MTDH: variants seen among roughly 807,000 people sequenced by gnomAD.
MTDH encodes the protein protein LYRIC.
MTDH carries 34 observed loss-of-function variants against 72.7 expected under a neutral mutation model. The observed-to-expected ratio is 0.47, with a 90% CI of 0.36 to 0.62. The LOEUF (loss-of-function observed/expected upper bound fraction) is 0.62. Ranked by LOEUF, MTDH falls within the 20% of genes least tolerant of loss-of-function variation. MTDH has a pLI of 0.00. For synonymous variants in MTDH, 266 were observed against 268.9 expected, an observed-to-expected ratio of 0.99 and a Z score of 0.10; for missense variants, 677 against 699.4, an observed-to-expected ratio of 0.97 and a Z score of 0.36.
intron 2 of MTDH, among the ~76,000 whole-genome samples, chr8:97,670,997 C>G (rs1342031187): frequency 6.7e-5 from 8 of 119,250 alleles, no homozygotes; most frequent in Admixed American, 1.1e-4. Flanking sequence ...CTCGCTCTGT[C>G]GCCCAGGCCG....
At chr8:97,697,867 C>T (rs1041593984) in intron 6 of MTDH, among the ~76,000 whole-genome samples, 1 of 152,168 alleles carries the variant, frequency 6.6e-6, no homozygotes, top group African/African-American at 2.4e-5. Context: ...GTACAACACA[C>T]ATGCTATTCC....
chr8:97,680,837 C>T (rs1813039948), intron 2 of MTDH, among the ~76,000 whole-genome samples: 1 of 152,142 alleles, frequency 6.6e-6, no homozygotes. Flanking sequence ...TCTATCAGTG[C>T]TGATCATGAA....
intron 3 of MTDH, among the ~76,000 whole-genome samples, chr8:97,686,955 C>T (rs1261980272): frequency 7.1e-6 from 1 of 141,294 alleles, no homozygotes; most frequent in Admixed American, 7.1e-5. Context: ...AAGGGAACTG[C>T]CCTGAAATTT....
chr8:97,726,540 C>G lies in MTDH; in HGVS notation c.*1870C>G, dbSNP rs1267770724. The G allele has an allele frequency of 6.6e-6, 1 of 152,244 alleles. No individual in the cohort carries two copies. Among genetic ancestry groups the G allele is most frequent in the Admixed American group, 6.5e-5 (1 of 15,274 alleles). The allele number at this position is 152,244 out of a possible 1,614,324, so 9.4% of individuals were successfully genotyped here. ...ACAATATAATTGAACTCTCTCAACT[C>G]TACCTCACCATTTCTTTATCTCAAA... On this transcript the variant is annotated 3_prime_UTR_variant, in exon 12 of 12. Coordinates refer to ENST00000336273, the MANE Select transcript of MTDH (RefSeq NM_178812.4).
chr8:97,659,551 T>G (rs1812101246), intron 1 of MTDH, among the ~76,000 whole-genome samples: 1 of 152,236 alleles, frequency 6.6e-6, no homozygotes, highest in South Asian at 2.1e-4. Context: ...GGTCTCCTTT[T>G]CCAACTTTGT....
In MTDH at chr8:97,724,735, C is replaced by G; in HGVS notation, c.*65C>G. 1.6e-6 allele frequency: 2 copies of G among 1,277,614 alleles called. No individual in the cohort carries two copies. The highest frequency in any genetic ancestry group is 2.2e-6 in the Non-Finnish European group (2 of 921,486). The allele number at this position is 1,277,614 out of a possible 1,614,324, so 79.1% of individuals were successfully genotyped here. On this transcript the variant is annotated 3_prime_UTR_variant, in exon 12 of 12. Coordinates refer to ENST00000336273, the MANE Select transcript of MTDH (RefSeq NM_178812.4). ...TGTCTTGAAGATTATGCTGTTTATGCAATAATTTGTGAACATGTACAGAGT... is the reference window on the plus strand; with the variant it reads ...TGTCTTGAAGATTATGCTGTTTATGGAATAATTTGTGAACATGTACAGAGT...
intron 2 of MTDH, among the ~76,000 whole-genome samples, chr8:97,661,995 A>G (rs751699501): frequency 5.1e-4 from 77 of 152,092 alleles, no homozygotes; most frequent in South Asian, 1.0e-3. Flanking sequence ...AAGACAATCT[A>G]TCATACCACA....
chr8:97,682,338 G>A (rs1321206712), intron 2 of MTDH, among the ~76,000 whole-genome samples: 2 of 104,118 alleles, frequency 1.9e-5, no homozygotes, highest in Non-Finnish European at 3.6e-5. Flanking sequence ...TTGCCCTGTC[G>A]CCCAGGCTGG....
chr8:97,685,840 T>C (rs1813340276), intron 2 of MTDH, among the ~76,000 whole-genome samples: 1 of 152,152 alleles, frequency 6.6e-6, no homozygotes, highest in Non-Finnish European at 1.5e-5. Context: ...ATACAAAGTA[T>C]AAAAATACTA....
chr8:97,691,843 C>T (rs756631198), intron 6 of MTDH, among the ~76,000 whole-genome samples: 21 of 151,910 alleles, frequency 1.4e-4, no homozygotes, highest in East Asian at 9.7e-4. Context: ...TTCTCCTGCC[C>T]GCAACTGTAT....
At chr8:97,669,143 A>G (rs74460326) in intron 2 of MTDH, among the ~76,000 whole-genome samples, 2,681 of 152,230 alleles carry the variant, frequency 0.018, 32 homozygotes, top group Middle Eastern at 0.048. Flanking sequence ...TTTTACAGCT[A>G]TCACCACAAT....
chr8:97,648,749 C>G (rs1811657231), intron 1 of MTDH, among the ~76,000 whole-genome samples: 1 of 152,298 alleles, frequency 6.6e-6, no homozygotes, highest in Middle Eastern at 3.4e-3. Flanking sequence ...TATCTCTAAG[C>G]TCAATGAATA....
At chr8:97,660,369 G>A (rs1360880533) in intron 1 of MTDH, among the ~76,000 whole-genome samples, 1 of 152,032 alleles carries the variant, frequency 6.6e-6, no homozygotes, top group Non-Finnish European at 1.5e-5. Context: ...AGAATTAGAG[G>A]TTCCATTAGA....
At chr8:97,668,417 G>C (rs1812475028) in intron 2 of MTDH, among the ~76,000 whole-genome samples, 1 of 152,088 alleles carries the variant, frequency 6.6e-6, no homozygotes, top group African/African-American at 2.4e-5. Flanking sequence ...AGGGGCACAT[G>C]TTCCCAGGAT....
chr8:97,670,610 G>A (rs939248530), intron 2 of MTDH, among the ~76,000 whole-genome samples: 10 of 152,154 alleles, frequency 6.6e-5, no homozygotes, highest in African/African-American at 1.7e-4. Context: ...GTGACAGAGC[G>A]AGACTCCGTC....
intron 2 of MTDH, among the ~76,000 whole-genome samples, chr8:97,668,144 G>A (rs937018230): frequency 4.6e-5 from 7 of 151,964 alleles, no homozygotes; most frequent in African/African-American, 7.3e-5. Context: ...AAAACTAGCC[G>A]AGCGAGGTGG....
At chr8:97,647,893 A>G (rs968953435) in intron 1 of MTDH, among the ~76,000 whole-genome samples, 7 of 151,500 alleles carry the variant, frequency 4.6e-5, no homozygotes, top group South Asian at 2.1e-4. Context: ...GTGATGAGCT[A>G]TGATCAGGTG....
At chr8:97,660,330 C>A (rs1023785520) in intron 1 of MTDH, among the ~76,000 whole-genome samples, 5 of 152,150 alleles carry the variant, frequency 3.3e-5, no homozygotes, top group Non-Finnish European at 7.3e-5. Flanking sequence ...AAGCTTCTTA[C>A]TCCCAGAACA....
In MTDH at chr8:97,652,904, A is replaced by T. The variant is rs573132998; in HGVS notation, c.381+8017A>T. ...ATCCCAGTACTTCGGGCGGACCACC[A>T]GGTCAGGAGATTGAGACCATCCTGG... On this transcript the variant is annotated intron_variant, in intron 1 of 11. Coordinates refer to ENST00000336273, the MANE Select transcript of MTDH (RefSeq NM_178812.4). 4.6e-5 allele frequency among the ~76,000 whole-genome samples: 7 copies of T among 152,216 alleles called. No individual in the cohort carries two copies. The East Asian group carries it at 1.4e-3, about 29-fold the overall frequency.
Sources: allele counts gnomAD v4.1 joint callset (sites outside exome capture counted in the v4.1 genomes callset), GRCh38; gene constraint gnomAD v4.1.1; transcripts MANE v1.5; gene names NCBI Gene and HGNC (gene_info 2026-07-23, HGNC 2026-07-21).